The following FSHR variants were observed in gnomAD, a reference collection of about 807,000 sequenced individuals.
FSHR encodes follicle-stimulating hormone receptor.
Under a neutral mutation model 52.1 loss-of-function variants are expected in FSHR, and 46 were observed. That is an observed-to-expected ratio of 0.88 (90% CI 0.70 to 1.13). The LOEUF (loss-of-function observed/expected upper bound fraction) is 1.13, where lower values mean the gene tolerates loss of function less well. Among genes scored for constraint, FSHR ranks in the 50% most tolerant of loss-of-function variants. FSHR has a pLI of 0.00. For synonymous variants in FSHR, 399 were observed against 309.6 expected, an observed-to-expected ratio of 1.29 and a Z score of -3.03; for missense variants, 964 against 834.6, an observed-to-expected ratio of 1.16 and a Z score of -1.91.
chr2:48,992,180 G>A (rs983501992), intron 4 of FSHR, among the ~76,000 whole-genome samples: 1 of 151,916 alleles, frequency 6.6e-6, no homozygotes, highest in African/African-American at 2.4e-5. Context: ...TTGTTAATGC[G>A]CTAAAAAATT....
intron 2 of FSHR, among the ~76,000 whole-genome samples, chr2:49,054,525 C>T (rs1185747380): frequency 6.6e-6 from 1 of 152,188 alleles, no homozygotes; most frequent in Admixed American, 6.5e-5. Context: ...ACATCTGGGC[C>T]TGAGAGATAG....
At chr2:49,027,123 T>A (rs946138716) in intron 2 of FSHR, among the ~76,000 whole-genome samples, 8 of 152,222 alleles carry the variant, frequency 5.3e-5, no homozygotes, top group Middle Eastern at 3.2e-3. Context: ...TTAATTCTGC[T>A]GCCATCTCCA....
chr2:49,095,160 C>T (rs753443611), intron 1 of FSHR, among the ~76,000 whole-genome samples: 1 of 152,046 alleles, frequency 6.6e-6, no homozygotes, highest in Non-Finnish European at 1.5e-5. Context: ...ATGCAAGAAA[C>T]CCATAATGGT....
At chr2:49,033,225 G>A (rs1460623504) in intron 2 of FSHR, among the ~76,000 whole-genome samples, 2 of 152,204 alleles carry the variant, frequency 1.3e-5, no homozygotes, top group South Asian at 2.1e-4. Context: ...AGCTAGAGAT[G>A]TGCAGGGACA....
At chr2:49,139,974 A>G (rs1175242895) in intron 1 of FSHR, among the ~76,000 whole-genome samples, 1 of 152,030 alleles carries the variant, frequency 6.6e-6, no homozygotes, top group East Asian at 1.9e-4. Context: ...TGATTTATTA[A>G]TGGTGGTATT....
At chr2:49,007,825 C>T (rs1270904252) in intron 4 of FSHR, among the ~76,000 whole-genome samples, 1 of 151,952 alleles carries the variant, frequency 6.6e-6, no homozygotes, top group Non-Finnish European at 1.5e-5. Context: ...CAATCAGTAT[C>T]TCATTTAATC....
At chr2:49,110,184 A>G (rs371164419) in intron 1 of FSHR, among the ~76,000 whole-genome samples, 1 of 152,182 alleles carries the variant, frequency 6.6e-6, no homozygotes, top group Non-Finnish European at 1.5e-5. Flanking sequence ...TATGCCAAGC[A>G]TGGTACTAAG....
intron 8 of FSHR, among the ~76,000 whole-genome samples, chr2:48,978,044 C>T (rs991188199): frequency 2.0e-5 from 3 of 152,120 alleles, no homozygotes; most frequent in African/African-American, 4.8e-5. Context: ...GTGGATACCC[C>T]ATGGGATTAT....
chr2:49,027,280 A>T (rs2104243945), intron 2 of FSHR, among the ~76,000 whole-genome samples: 1 of 152,178 alleles, frequency 6.6e-6, no homozygotes, highest in East Asian at 1.9e-4. Context: ...CCGTGTGGTG[A>T]CTCCGGAGTG....
intron 1 of FSHR, among the ~76,000 whole-genome samples, chr2:49,078,811 G>T (rs1469151364): frequency 6.6e-6 from 1 of 152,144 alleles, no homozygotes; most frequent in Non-Finnish European, 1.5e-5. Flanking sequence ...ATTGGAATGA[G>T]ACAATGATGC....
intron 1 of FSHR, among the ~76,000 whole-genome samples, chr2:49,106,727 G>C (rs962118535): frequency 6.6e-6 from 1 of 152,118 alleles, no homozygotes; most frequent in Non-Finnish European, 1.5e-5. Context: ...TAAATTCAGT[G>C]TGGTTAAGTC....
chr2:48,989,433 C>G (rs184017035), intron 5 of FSHR, among the ~76,000 whole-genome samples: 1 of 152,042 alleles, frequency 6.6e-6, no homozygotes. Context: ...CAGGTGTGCA[C>G]CACCATACCC....
intron 4 of FSHR, among the ~76,000 whole-genome samples, chr2:49,013,122 C>T (rs1030174352): frequency 6.7e-6 from 1 of 148,398 alleles, no homozygotes; most frequent in African/African-American, 2.5e-5. Flanking sequence ...TCTCTATCTT[C>T]CCCCCCCACC....
intron 4 of FSHR, among the ~76,000 whole-genome samples, chr2:48,993,251 T>C (rs1675867186): frequency 6.6e-6 from 1 of 152,212 alleles, no homozygotes; most frequent in African/African-American, 2.4e-5. Context: ...AAGCTTACTT[T>C]GCATATCCTC....
chr2:49,091,598 A>T (rs1670613804), intron 1 of FSHR, among the ~76,000 whole-genome samples: 1 of 152,222 alleles, frequency 6.6e-6, no homozygotes, highest in African/African-American at 2.4e-5. Flanking sequence ...TGCCCAGCCA[A>T]TAACAATTTT....
intron 1 of FSHR, among the ~76,000 whole-genome samples, chr2:49,072,382 C>G (rs535573567): frequency 1.3e-5 from 2 of 152,136 alleles, no homozygotes; most frequent in South Asian, 2.1e-4. Flanking sequence ...ATTGCTACCT[C>G]TAGCAGAAAT....
At chr2:49,140,777 A>G (rs1315111676) in intron 1 of FSHR, among the ~76,000 whole-genome samples, 1 of 152,120 alleles carries the variant, frequency 6.6e-6, no homozygotes, top group African/African-American at 2.4e-5. Context: ...CTATGAGGTC[A>G]TGATAGATCA....
At chr2:49,113,391 T>A (rs1671493424) in intron 1 of FSHR, among the ~76,000 whole-genome samples, 1 of 152,180 alleles carries the variant, frequency 6.6e-6, no homozygotes, top group Non-Finnish European at 1.5e-5. Flanking sequence ...AGTTCTTAGA[T>A]CCTTGGTGCA....
chr2:48,962,888 C>G lies in FSHR; in HGVS notation c.1933G>C (p.Gly645Arg), dbSNP rs751333023. The change falls in exon 10 of 10, where the codon GGC becomes CGC. Residue 645 changes from glycine (G) to arginine (R), a missense_variant. Transcript: ENST00000406846. ...ATTTGGGCTTGCATTTCATAGCAGC[C>G]ACACTTGCTCAGCAGAATGAAGAAA... ...RDFFILLSKC[G>R]CYEMQAQIYR... 8 of 1,613,990 alleles carry G rather than the reference C, an allele frequency of 5.0e-6. No individual in the cohort carries two copies. Among genetic ancestry groups the G allele is most frequent in the Non-Finnish European group, 6.8e-6 (8 of 1,180,024 alleles).
Sources: gnomAD v4.1 joint callset for allele counts (sites outside exome capture counted in the v4.1 genomes callset) on GRCh38, gnomAD v4.1.1 for gene constraint, MANE v1.5 for transcripts, NCBI Gene and HGNC (gene_info 2026-07-23, HGNC 2026-07-21) for gene names.